QTMAN: variants seen among roughly 807,000 people sequenced by gnomAD.
QTMAN encodes the protein tRNA-queuosine alpha-mannosyltransferase.
At chr2:144,286,745 G>A in the QTMAN span, among the ~76,000 whole-genome samples, 1 of 152,166 alleles carries the variant, frequency 6.6e-6, no homozygotes, top group African/African-American at 2.4e-5. Flanking sequence ...GAGTAAATGT[G>A]GGGGACAACT....
the QTMAN span, among the ~76,000 whole-genome samples, chr2:144,124,499 T>C: frequency 1.3e-5 from 2 of 152,106 alleles, no homozygotes; most frequent in African/African-American, 4.8e-5. Context: ...TTCCTGATTT[T>C]ATAGGCATTA....
the QTMAN span, among the ~76,000 whole-genome samples, chr2:144,245,755 AG>A: frequency 6.6e-6 from 1 of 152,226 alleles, no homozygotes; most frequent in African/African-American, 2.4e-5. Flanking sequence ...TGGACCAAGA[AG>A]GGAAAAAATT....
the QTMAN span, among the ~76,000 whole-genome samples, chr2:144,177,632 G>A: frequency 9.9e-5 from 15 of 152,000 alleles, no homozygotes; most frequent in Non-Finnish European, 4.4e-5. Context: ...ATGCACCCAG[G>A]CAAATTTCAA....
the QTMAN span, among the ~76,000 whole-genome samples, chr2:144,280,912 TTTA>T: frequency 1.3e-5 from 2 of 152,122 alleles, no homozygotes; most frequent in Non-Finnish European, 1.5e-5. Flanking sequence ...TTTTTTTAAT[TTTA>T]TTATTATTAT....
chr2:144,255,604 G>A, the QTMAN span, among the ~76,000 whole-genome samples: 379 of 152,276 alleles, frequency 2.5e-3, 1 homozygote, highest in Non-Finnish European at 4.5e-3. Context: ...TGACAAGGTT[G>A]CAAAAGTTGT....
At chr2:143,982,326 G>T in the QTMAN span, among the ~76,000 whole-genome samples, 1 of 151,580 alleles carries the variant, frequency 6.6e-6, no homozygotes, top group Non-Finnish European at 1.5e-5. Context: ...TGCCTCCCAG[G>T]TTCAAGCAAT....
chr2:144,025,921 T>C, the QTMAN span, among the ~76,000 whole-genome samples: 1 of 152,180 alleles, frequency 6.6e-6, no homozygotes, highest in Non-Finnish European at 1.5e-5. Flanking sequence ...TTATAGGGTA[T>C]AATGAGGGAG....
the QTMAN span, among the ~76,000 whole-genome samples, chr2:144,095,898 T>C: frequency 6.6e-6 from 1 of 152,168 alleles, no homozygotes. Flanking sequence ...AAATAACTTG[T>C]GTTACATACA....
chr2:143,970,884 A>T, the QTMAN span: 10 of 638,970 alleles, frequency 1.6e-5, no homozygotes, highest in Non-Finnish European at 2.8e-5. Flanking sequence ...AGCCTCTGGT[A>T]TCCAAGTGGA....
At chr2:144,207,761 C>T in the QTMAN span, among the ~76,000 whole-genome samples, 21 of 152,138 alleles carry the variant, frequency 1.4e-4, no homozygotes, top group Non-Finnish European at 2.9e-4. Flanking sequence ...GGGATTCCAT[C>T]CTACCTGTTC....
At chr2:144,228,834 T>C in the QTMAN span, among the ~76,000 whole-genome samples, 8 of 152,152 alleles carry the variant, frequency 5.3e-5, no homozygotes, top group East Asian at 1.2e-3. Context: ...GGCATGTGCC[T>C]GTAATCCCAG....
chr2:144,047,116 C>T, the QTMAN span, among the ~76,000 whole-genome samples: 5 of 151,964 alleles, frequency 3.3e-5, no homozygotes, highest in East Asian at 9.7e-4. Context: ...ACTAAAAATA[C>T]AAAAATTAGC....
the QTMAN span, among the ~76,000 whole-genome samples, chr2:144,323,228 C>G: frequency 2.6e-5 from 4 of 152,116 alleles, no homozygotes; most frequent in Non-Finnish European, 5.9e-5. Flanking sequence ...TGGATTTTTC[C>G]TCTAGACAGG....
the QTMAN span, among the ~76,000 whole-genome samples, chr2:144,285,688 A>AT: frequency 6.6e-6 from 1 of 152,230 alleles, no homozygotes; most frequent in Non-Finnish European, 1.5e-5. Context: ...AGAAAATGTA[A>AT]TTGAAGGAGC....
chr2:144,206,858 C>T, the QTMAN span, among the ~76,000 whole-genome samples: 1 of 152,100 alleles, frequency 6.6e-6, no homozygotes, highest in Non-Finnish European at 1.5e-5. Flanking sequence ...AATCAAACAA[C>T]AGATATAGAA....
the QTMAN span, among the ~76,000 whole-genome samples, chr2:144,305,719 T>G: frequency 6.6e-6 from 1 of 152,204 alleles, no homozygotes; most frequent in East Asian, 1.9e-4. Context: ...GTCATCTAGA[T>G]CCATGAACAT....
the QTMAN span, among the ~76,000 whole-genome samples, chr2:144,148,008 C>G: frequency 6.6e-6 from 1 of 151,660 alleles, no homozygotes; most frequent in Non-Finnish European, 1.5e-5. Flanking sequence ...ACACTCAAAA[C>G]AAAATCCAGT....
At chr2:143,957,174 T>C in the QTMAN span, 2 of 1,569,664 alleles carry the variant, frequency 1.3e-6, no homozygotes, top group Non-Finnish European at 8.6e-7. Flanking sequence ...TTATCACATA[T>C]CACAAACAGA....
chr2:144,157,821 A>G, the QTMAN span, among the ~76,000 whole-genome samples: 2 of 151,970 alleles, frequency 1.3e-5, no homozygotes, highest in Admixed American at 6.6e-5. Flanking sequence ...TATGATATCT[A>G]TATGGTATCT....
Sources: allele counts gnomAD v4.1 joint callset (sites outside exome capture counted in the v4.1 genomes callset), GRCh38; gene constraint gnomAD v4.1.1; transcripts MANE v1.5; gene names NCBI Gene and HGNC (gene_info 2026-07-23, HGNC 2026-07-21).